ABTB2: variants seen among roughly 807,000 people sequenced by gnomAD.
ABTB2 encodes ankyrin repeat and BTB domain containing 2.
A neutral mutation model predicts 104.1 loss-of-function variants in ABTB2; 56 were observed. The observed-to-expected ratio is 0.54, with a 90% CI of 0.43 to 0.67. The LOEUF is 0.67. Ranked by LOEUF, ABTB2 falls within the 30% of genes least tolerant of loss-of-function variation. The probability of loss-of-function intolerance (pLI) is 0.00; values close to 1 mark genes in which losing one functional copy is unlikely to be tolerated. For missense variants in ABTB2, 1,279 were observed against 1,407.7 expected, an observed-to-expected ratio of 0.91 and a Z score of 1.46; for synonymous variants, 606 against 608.2, an observed-to-expected ratio of 1.00 and a Z score of 0.05.
At chr11:34,253,414 A>G (rs1269914814) in intron 1 of ABTB2, among the ~76,000 whole-genome samples, 3 of 151,932 alleles carry the variant, frequency 2.0e-5, no homozygotes, top group Admixed American at 2.0e-4. Context: ...ACAGTGGCTC[A>G]TGCCTGTAAT....
intron 1 of ABTB2, among the ~76,000 whole-genome samples, chr11:34,208,424 G>A (rs977158628): frequency 3.3e-5 from 5 of 152,282 alleles, no homozygotes; most frequent in Admixed American, 6.5e-5. Context: ...GGAGGGAACC[G>A]CATGCACCAC....
chr11:34,170,378 CAAGTT>C (rs1385643219), intron 5 of ABTB2, among the ~76,000 whole-genome samples: 2 of 152,212 alleles, frequency 1.3e-5, no homozygotes, highest in East Asian at 1.9e-4. Flanking sequence ...ATGCGAAACT[CAAGTT>C]AAAGCCTATC....
chr11:34,295,298 C>T (rs1191729066), intron 1 of ABTB2, among the ~76,000 whole-genome samples: 2 of 152,106 alleles, frequency 1.3e-5, no homozygotes, highest in Admixed American at 6.6e-5. Flanking sequence ...GGCTAGAGGT[C>T]GTGGGACCCT....
At chr11:34,349,089 C>A (rs1855369019) in intron 1 of ABTB2, among the ~76,000 whole-genome samples, 1 of 152,194 alleles carries the variant, frequency 6.6e-6, no homozygotes, top group Admixed American at 6.5e-5. Context: ...ACCAAAGCTG[C>A]AAAAGCACTT....
chr11:34,230,198 G>A (rs746404003), intron 1 of ABTB2, among the ~76,000 whole-genome samples: 3 of 152,228 alleles, frequency 2.0e-5, no homozygotes, highest in Non-Finnish European at 4.4e-5. Context: ...TGTGATCAGA[G>A]CAGGGGGACC....
chr11:34,213,475 C>T (rs1050704950), intron 1 of ABTB2, among the ~76,000 whole-genome samples: 2 of 152,058 alleles, frequency 1.3e-5, no homozygotes, highest in African/African-American at 4.8e-5. Flanking sequence ...AGCGAGACGC[C>T]ATCTCAAAAA....
chr11:34,344,932 G>A (rs1402086419), intron 1 of ABTB2, among the ~76,000 whole-genome samples: 1 of 152,170 alleles, frequency 6.6e-6, no homozygotes, highest in Non-Finnish European at 1.5e-5. Context: ...CCAGGGCTCA[G>A]ACCATAGCAA....
chr11:34,247,769 T>C (rs1405559516), intron 1 of ABTB2, among the ~76,000 whole-genome samples: 1 of 152,216 alleles, frequency 6.6e-6, no homozygotes, highest in Non-Finnish European at 1.5e-5. Flanking sequence ...TCAGATACTC[T>C]GCTAAGCACT....
At chr11:34,288,143 T>A (rs199815856) in intron 1 of ABTB2, among the ~76,000 whole-genome samples, 1 of 152,324 alleles carries the variant, frequency 6.6e-6, no homozygotes, top group East Asian at 1.9e-4. Flanking sequence ...ATTAAAAATT[T>A]CAGACATATA....
At chr11:34,217,860 T>G (rs1280821387) in intron 1 of ABTB2, among the ~76,000 whole-genome samples, 1 of 152,234 alleles carries the variant, frequency 6.6e-6, no homozygotes, top group African/African-American at 2.4e-5. Flanking sequence ...ACTGCCAAAT[T>G]GTCTTCCAAA....
intron 3 of ABTB2, among the ~76,000 whole-genome samples, chr11:34,190,416 C>T (rs548748608): frequency 3.8e-4 from 58 of 152,344 alleles, no homozygotes; most frequent in South Asian, 8.3e-4. Context: ...TGCACCTGAG[C>T]TTCCTCCTGC....
intron 1 of ABTB2, among the ~76,000 whole-genome samples, chr11:34,246,400 G>A (rs530236708): frequency 2.6e-5 from 4 of 151,902 alleles, no homozygotes; most frequent in Admixed American, 6.6e-5. Context: ...TTGGGAGTTC[G>A]AGACCAGCCT....
chr11:34,284,543 G>C (rs552515295), intron 1 of ABTB2, among the ~76,000 whole-genome samples: 24 of 152,258 alleles, frequency 1.6e-4, no homozygotes, highest in African/African-American at 4.6e-4. Flanking sequence ...AGGAATTATT[G>C]ACTGGCTTCC....
At chr11:34,163,991 G>C (rs1852759028) in intron 9 of ABTB2, among the ~76,000 whole-genome samples, 1 of 152,108 alleles carries the variant, frequency 6.6e-6, no homozygotes, top group Admixed American at 6.5e-5. Context: ...GGGTGGGCTG[G>C]AGACAGCTGG....
Position 34,357,102 on chromosome 11 carries a change from G to A in ABTB2, c.482C>T (p.Ala161Val), listed in dbSNP as rs1205376616. ...CGCCCAGCTGTGCACCAGGCGCACG[G>A]CGCTCTGCACCTCAAAGCGGGTGCA... ...AKCTRFEVQS[A>V]VRLVHSWALA... Residue 161 changes from alanine to valine, a missense_variant, in exon 1 of 17, where the codon GCC becomes GTC. By Grantham distance (64) the Ala-to-Val change is moderately conservative (BLOSUM62 0). Coordinates refer to ENST00000435224, the MANE Select transcript of ABTB2 (RefSeq NM_145804.3). 6.6e-7 allele frequency: 1 copy of A among 1,517,414 alleles called. No homozygotes were observed. 94.0% of individuals were successfully genotyped at this position (1,517,414 alleles called of 1,614,324 possible).
Position 34,357,959 on chromosome 11 carries a change from C to G in ABTB2, c.-376G>C, listed in dbSNP as rs572844504. On this transcript the variant is annotated 5_prime_UTR_variant, in exon 1 of 17. Coordinates refer to ENST00000435224, the MANE Select transcript of ABTB2 (RefSeq NM_145804.3). ...GGAGGCGGCGGCGCAGGGCGCAGGG[C>G]GCAGCGCGAGTCCGGGACCAGCCGG... is the stretch of plus-strand genomic sequence containing the variant. 6.2e-3 allele frequency: 1,312 copies of G among 210,802 alleles called. 11 individuals are homozygous for G. The highest frequency in any genetic ancestry group is 0.011 in the Middle Eastern group (7 of 666). 13.1% of individuals were successfully genotyped at this position (210,802 alleles called of 1,614,324 possible).
intron 1 of ABTB2, among the ~76,000 whole-genome samples, chr11:34,253,675 CAAA>C (rs148748716): frequency 4.6e-5 from 6 of 129,966 alleles, no homozygotes; most frequent in African/African-American, 1.7e-4. Context: ...GATTCCGTCT[CAAA>C]AAAAAAAAAA....
At chr11:34,286,481 T>C (rs989166597) in intron 1 of ABTB2, among the ~76,000 whole-genome samples, 4 of 152,064 alleles carry the variant, frequency 2.6e-5, no homozygotes, top group Admixed American at 6.5e-5. Context: ...TTAGTAGAGA[T>C]GGGGTTTCAC....
chr11:34,307,557 T>G (rs1854792822), intron 1 of ABTB2, among the ~76,000 whole-genome samples: 2 of 152,254 alleles, frequency 1.3e-5, no homozygotes, highest in Non-Finnish European at 2.9e-5. Flanking sequence ...ACCCTGTTCA[T>G]GGCTCTCCGA....
Sources: allele counts gnomAD v4.1 joint callset (sites outside exome capture counted in the v4.1 genomes callset), GRCh38; gene constraint gnomAD v4.1.1; transcripts MANE v1.5; gene names NCBI Gene and HGNC (gene_info 2026-07-23, HGNC 2026-07-21).